Variants in NRXN2 observed in about 807,000 individuals in gnomAD.
The protein encoded by NRXN2 is neurexin 2, also known as neurexin-2-beta.
NRXN2 carries 29 observed loss-of-function variants against 128.8 expected under a neutral mutation model. The observed-to-expected ratio is 0.23, with a 90% CI of 0.17 to 0.31. The LOEUF (loss-of-function observed/expected upper bound fraction) is 0.31, where lower values mean the gene tolerates loss of function less well. Ranked by LOEUF, NRXN2 falls within the 10% of genes least tolerant of loss-of-function variation. The pLI is 1.00. For missense variants in NRXN2, 1,881 were observed against 2,452.6 expected (o/e 0.77, Z 4.92); for synonymous variants, 1,098 against 1,075.2 (o/e 1.02, Z -0.41).
intron 21 of NRXN2, among the ~76,000 whole-genome samples, chr11:64,620,851 T>C (rs1166453323): frequency 1.3e-5 from 2 of 151,274 alleles, no homozygotes; most frequent in African/African-American, 4.9e-5. Context: ...CCCCCTTTCC[T>C]GGAGCCTGAG....
Position 64,630,017 on chromosome 11 carries a change from T to G in NRXN2, c.3757+385A>C, listed in dbSNP as rs2043637631. Among the ~76,000 whole-genome samples the G allele has an allele frequency of 6.6e-6, 1 of 152,140 alleles. No individual in the cohort carries two copies. The highest frequency in any genetic ancestry group is 1.5e-5 in the Non-Finnish European group (1 of 68,018). Reference sequence around the variant, plus strand: ...TTACTTCTGGATTTTCTCTCCTGTTTCTGCATCTGTCTCCCTCATTTCTGA... The same window carrying G: ...TTACTTCTGGATTTTCTCTCCTGTTGCTGCATCTGTCTCCCTCATTTCTGA... On this transcript the variant is annotated intron_variant, in intron 19 of 22. Transcript: ENST00000265459. This position sits in a 1 kb window ranked among gnomAD's most constrained non-coding sequence, Gnocchi z 4.6.
Position 64,614,728 on chromosome 11 carries a change from A to G in NRXN2, c.4252+5566T>C, listed in dbSNP as rs767997170. On this transcript the variant is annotated intron_variant, in intron 22 of 22. Transcript: ENST00000265459. Reference sequence around the variant, plus strand: ...TGTCTTCCATTTTTCCCTCTGCCCCACACCACAGTATGCTGGGTGTGTATC... The same window carrying G: ...TGTCTTCCATTTTTCCCTCTGCCCCGCACCACAGTATGCTGGGTGTGTATC... Among the ~76,000 whole-genome samples the G allele has an allele frequency of 2.0e-5, 3 of 152,336 alleles. No individual in the cohort carries two copies. In the South Asian group the frequency reaches 6.2e-4, roughly 32 times the overall value.
intron 19 of NRXN2, among the ~76,000 whole-genome samples, chr11:64,627,009 G>C (rs2043156083): frequency 6.6e-6 from 1 of 152,162 alleles, no homozygotes; most frequent in Non-Finnish European, 1.5e-5. Context: ...AAGTGGGAAG[G>C]ATGGGTTAAG....
chr11:64,611,700 A>G, intron 22 of NRXN2, among the ~76,000 whole-genome samples: 1 of 152,220 alleles, frequency 6.6e-6, no homozygotes, highest in South Asian at 2.1e-4. Context: ...ACCCTTCTGC[A>G]GCCTTCCTCT....
rs114589352 is a variant in NRXN2, at chr11:64,641,647, G to A, written c.3404-6195C>T. On this transcript the variant is annotated intron_variant, in intron 17 of 22. Coordinates refer to ENST00000265459, the MANE Select transcript of NRXN2 (RefSeq NM_015080.4). ...GTGATGGGGGGCCTGAGATGGGGCT[G>A]AGGAAGGACGGAAATGAGAAGGTGA... Among the ~76,000 whole-genome samples, 1,041 of 152,116 alleles carry A rather than the reference G, an allele frequency of 6.8e-3. 13 individuals carry two copies. Among genetic ancestry groups the A allele is most frequent in the African/African-American group, 0.024 (992 of 41,464 alleles).
chr11:64,705,247 G>A (rs2056104771), intron 2 of NRXN2, among the ~76,000 whole-genome samples: 5 of 152,194 alleles, frequency 3.3e-5, no homozygotes, highest in Admixed American at 2.0e-4. Flanking sequence ...CCTTTCAGGA[G>A]GCAGCATGGA....
intron 3 of NRXN2, among the ~76,000 whole-genome samples, chr11:64,693,337 G>A (rs1365875725): frequency 5.3e-5 from 8 of 150,900 alleles, no homozygotes; most frequent in Non-Finnish European, 1.2e-4. Context: ...CTTCCGGGAG[G>A]CGGAGAGAAA....
intron 2 of NRXN2, among the ~76,000 whole-genome samples, chr11:64,703,195 T>C (rs537207467): frequency 4.6e-5 from 7 of 152,166 alleles, no homozygotes; most frequent in Non-Finnish European, 1.0e-4. Context: ...GTGAGGACAA[T>C]GCCTCATTCA....
chr11:64,668,526 A>T lies in NRXN2; in HGVS notation c.1276T>A (p.Phe426Ile), dbSNP rs776905316. The T allele has an allele frequency of 6.2e-7, 1 of 1,614,092 alleles. No individual in the cohort carries two copies. Among genetic ancestry groups the T allele is most frequent in the Non-Finnish European group, 8.5e-7 (1 of 1,180,010 alleles). The change falls in exon 8 of 23, where the codon TTC becomes ATC. Residue 426 changes from phenylalanine to isoleucine, a missense_variant. Physicochemically the swap from Phe to Ile is conservative, Grantham distance 21 (BLOSUM62 0). Transcript: ENST00000265459. Reference protein sequence around the residue: ...EDYTMLGSDDFFYIGGSPNTA... With the variant: ...EDYTMLGSDDIFYIGGSPNTA... Reference sequence around the variant, plus strand: ...TTGGGGCTGCCCCCAATGTAGAAGAAGTCATCAGAGCCCAGCATGGTGTAA... The same window carrying T: ...TTGGGGCTGCCCCCAATGTAGAAGATGTCATCAGAGCCCAGCATGGTGTAA...
rs948653056 is a variant in NRXN2, at chr11:64,687,734, C to T, written c.851-1787G>A. On this transcript the variant is annotated intron_variant, in intron 5 of 22. Coordinates refer to ENST00000265459, the MANE Select transcript of NRXN2 (RefSeq NM_015080.4). ...GACAAGAAATGAAGACGGCTCAGGG[C>T]TGTGAGGGAGCAAGAAGGGATGAGC... 3.3e-5 allele frequency among the ~76,000 whole-genome samples: 5 copies of T among 152,206 alleles called. No individual in the cohort carries two copies. The East Asian group carries it at 7.7e-4, about 24-fold the overall frequency.
Position 64,667,349 on chromosome 11 carries a change from G to A in NRXN2, c.1699C>T (p.Leu567=), listed in dbSNP as rs751629561. 1.2e-6 allele frequency: 2 copies of A among 1,614,244 alleles called. No individual in the cohort carries two copies. The highest frequency in any genetic ancestry group is 3.3e-5 in the Admixed American group (2 of 60,034). The change falls in exon 9 of 23, where the codon CTG becomes TTG. Residue 567 remains leucine (L), a synonymous_variant. Coordinates refer to ENST00000265459, the MANE Select transcript of NRXN2 (RefSeq NM_015080.4). The surrounding 1 kb of genome is among the most constrained non-coding windows in gnomAD (Gnocchi z 5.6). ...TTGATGCCCCCAGATCCCATGTCCA[G>A]CAGAAGATAGAGGTGGCCGTCCAAT... The part of the protein sequence containing the change: ...ELLDGHLYLL[L]DMGSGGIKLR...
intron 7 of NRXN2, among the ~76,000 whole-genome samples, chr11:64,671,816 G>C (rs1477678534): frequency 6.6e-6 from 1 of 151,890 alleles, no homozygotes. Flanking sequence ...AAAGAGAAAA[G>C]ACATTTGACT....
intron 21 of NRXN2, 120 bp from the exon 22 acceptor site, chr11:64,620,492 T>G (rs886565027): frequency 3.2e-5 from 25 of 778,462 alleles, no homozygotes; most frequent in Non-Finnish European, 4.6e-5. Flanking sequence ...CGGACCAGAC[T>G]GGTCTGAGTC....
Position 64,631,956 on chromosome 11 carries a change from G to A in NRXN2, c.3586-1383C>T, listed in dbSNP as rs1030223677. On this transcript the variant is annotated intron_variant, in intron 18 of 22. Transcript: ENST00000265459. This position sits in a 1 kb window ranked among gnomAD's most constrained non-coding sequence, Gnocchi z 4.8. ...AACCCCCTGGCTCACACACTCTCAG[G>A]CACCCAACCCATCATAGAAACACAC... 2.0e-5 allele frequency among the ~76,000 whole-genome samples: 3 copies of A among 152,154 alleles called. No individual in the cohort carries two copies. The highest frequency in any genetic ancestry group is 4.8e-5 in the African/African-American group (2 of 41,418).
chr11:64,688,388 G>A (rs2053361221), intron 5 of NRXN2: 2 of 985,290 alleles, frequency 2.0e-6, no homozygotes. Context: ...AAAAAGAGAT[G>A]AGCAAGTGTG....
Position 64,660,776 on chromosome 11 carries a change from A to C in NRXN2, c.2162T>G (p.Phe721Cys), listed in dbSNP as rs1453185048. ...RFICDCIGTG[F>C]LGRVCEREAT... The stretch of plus-strand genomic sequence containing the variant: ...ACCTCTCTCACAGACCCGCCCAAGA[A>C]AGCCGGTCCCGATGCAGTCACAGAT... The change falls in exon 10 of 23, where the codon TTT becomes TGT. Residue 721 changes from phenylalanine (F) to cysteine (C), a missense_variant. Transcript: ENST00000265459. The surrounding 1 kb of genome is among the most constrained non-coding windows in gnomAD (Gnocchi z 5.2). The C allele has an allele frequency of 6.2e-7, 1 of 1,613,110 alleles. No homozygotes were observed. Among genetic ancestry groups the C allele is most frequent in the East Asian group, 2.2e-5 (1 of 44,890 alleles).
intron 17 of NRXN2, among the ~76,000 whole-genome samples, chr11:64,639,369 G>A (rs2045310367): frequency 6.6e-6 from 1 of 152,062 alleles, no homozygotes; most frequent in Admixed American, 6.6e-5. Context: ...ACCCTGTTCA[G>A]AAACAAAATA....
At chr11:64,652,930 C>G (rs1008638195) in intron 12 of NRXN2, among the ~76,000 whole-genome samples, 8 of 152,046 alleles carry the variant, frequency 5.3e-5, no homozygotes, top group African/African-American at 1.9e-4. Context: ...CCCTGCCCCC[C>G]CACCCCGAGG....
Position 64,623,089 on chromosome 11 carries a change from T to C in NRXN2, c.3848-11A>G, listed in dbSNP as rs765752407. The C allele has an allele frequency of 9.4e-5, 149 of 1,583,138 alleles. No individual in the cohort carries two copies. Among genetic ancestry groups the C allele is most frequent in the Non-Finnish European group, 1.2e-4 (140 of 1,164,512 alleles). ...TGGTCAGCTGGCGGCCTTGCAGGAGTGGAAGGGGGTGACAGAGAAGGGGCA... is the reference window on the plus strand; with the variant it reads ...TGGTCAGCTGGCGGCCTTGCAGGAGCGGAAGGGGGTGACAGAGAAGGGGCA... On this transcript the variant is annotated splice_polypyrimidine_tract_variant and intron_variant, in intron 20 of 22. Transcript: ENST00000265459. This position sits in a 1 kb window ranked among gnomAD's most constrained non-coding sequence, Gnocchi z 4.9.
Sources: gnomAD v4.1 joint callset for allele counts (sites outside exome capture counted in the v4.1 genomes callset) on GRCh38, gnomAD v4.1.1 for gene constraint, Gnocchi (gnomAD v3.1) non-coding constraint, MANE v1.5 for transcripts, NCBI Gene and HGNC (gene_info 2026-07-23, HGNC 2026-07-21) for gene names.